The following RB1 variants were observed in gnomAD, a reference collection of about 807,000 sequenced individuals.
RB1 encodes RB transcriptional corepressor 1.
Under a neutral mutation model 135.4 loss-of-function variants are expected in RB1, and 18 were observed. That is an observed-to-expected ratio of 0.13 (90% CI 0.09 to 0.20). The LOEUF is 0.20. Among genes scored for constraint, RB1 ranks in the 10% least tolerant of loss-of-function variants. RB1 has a pLI of 1.00. For synonymous variants in RB1, 365 were observed against 373.2 expected, an observed-to-expected ratio of 0.98 and a Z score of 0.25; for missense variants, 868 against 1,110.0, an observed-to-expected ratio of 0.78 and a Z score of 3.10.
chr13:48,413,549 G>A (rs1422257444), intron 17 of RB1, among the ~76,000 whole-genome samples: 1 of 152,026 alleles, frequency 6.6e-6, no homozygotes, highest in African/African-American at 2.4e-5. Context: ...ATGAAACAGG[G>A]GCCTTTAACC....
At chr13:48,463,638 CTTTTT>C in intron 20 of RB1, 88 bp from the exon 21 acceptor site, 1 of 852,182 alleles carries the variant, frequency 1.2e-6, no homozygotes, top group South Asian at 1.4e-5. Context: ...TTAAACCTTT[CTTTTT>C]TGAGGCTAAA....
intron 12 of RB1, among the ~76,000 whole-genome samples, chr13:48,375,278 G>C (rs1222126027): frequency 6.6e-6 from 1 of 152,094 alleles, no homozygotes; most frequent in African/African-American, 2.4e-5. Context: ...ATATGTCAAA[G>C]TGAACATGTC....
At chr13:48,412,995 A>G (rs1948843888) in intron 17 of RB1, 1 of 168,834 alleles carries the variant, frequency 5.9e-6, no homozygotes, top group East Asian at 1.9e-4. Context: ...TGGATCCCAG[A>G]TTGTGGGTAA....
chr13:48,381,266 T>A lies in RB1; in HGVS notation c.1518T>A (p.Leu506=), dbSNP rs1234661987. ...ATYSRSTSQN[L]DSGTDLSFPW... ...TTTTAGGAAGTACATCTCAGAATCTTGATTCTGGAACAGATTTGTCTTTCC... is the reference window on the plus strand; with the variant it reads ...TTTTAGGAAGTACATCTCAGAATCTAGATTCTGGAACAGATTTGTCTTTCC... The change falls in exon 17 of 27, where the codon CTT becomes CTA. Residue 506 remains leucine (L), a synonymous_variant. Coordinates refer to ENST00000267163, the MANE Select transcript of RB1 (RefSeq NM_000321.3). 2 of 1,610,594 alleles carry A rather than the reference T, an allele frequency of 1.2e-6. No individual in the cohort carries two copies. The highest frequency in any genetic ancestry group is 1.7e-6 in the Non-Finnish European group (2 of 1,178,688).
chr13:48,367,538 T>C lies in RB1; in HGVS notation c.984T>C (p.Asn328=). Residue 328 remains asparagine (N), a synonymous_variant, in exon 10 of 27, where the codon AAT becomes AAC. Transcript: ENST00000267163. ...SKRYEEIYLK[N]KDLDARLFLD... ...GATACGAAGAAATTTATCTTAAAAATAAAGATCTAGATGCAAGATTATTTT... is the reference window on the plus strand; with the variant it reads ...GATACGAAGAAATTTATCTTAAAAACAAAGATCTAGATGCAAGATTATTTT... 1 of 1,604,870 alleles carries C rather than the reference T, an allele frequency of 6.2e-7. No homozygotes were observed. The highest frequency in any genetic ancestry group is 1.1e-5 in the South Asian group (1 of 90,922).
At chr13:48,348,312 T>C (rs1290116464) in intron 5 of RB1, among the ~76,000 whole-genome samples, 1 of 151,938 alleles carries the variant, frequency 6.6e-6, no homozygotes, top group Non-Finnish European at 1.5e-5. Flanking sequence ...AGTTTTTTCT[T>C]GGAAACAGAA....
chr13:48,414,175 C>A (rs1394078460), intron 17 of RB1, among the ~76,000 whole-genome samples: 2 of 151,900 alleles, frequency 1.3e-5, no homozygotes, highest in Admixed American at 1.3e-4. Flanking sequence ...TGGCGAAACC[C>A]CATCTCTACC....
intron 7 of RB1, chr13:48,360,362 G>A: frequency 1.3e-6 from 1 of 787,422 alleles, no homozygotes; most frequent in Non-Finnish European, 1.8e-6. Context: ...AGGTTTGGGA[G>A]ACAAGAAAGT....
intron 2 of RB1, chr13:48,317,144 C>T: frequency 1.2e-6 from 1 of 867,984 alleles, no homozygotes; most frequent in Non-Finnish European, 1.6e-6. Context: ...CGGCCTGGGC[C>T]TCCCTGAAGG....
chr13:48,319,057 C>A lies in RB1; in HGVS notation c.264+11651C>A. ...CTTCCGCGCGCGTCAGTTCAGCGGA[C>A]GTGTCTGCCTGGCACGAGGACCGTT... On this transcript the variant is annotated intron_variant, in intron 2 of 26. Coordinates refer to ENST00000267163, the MANE Select transcript of RB1 (RefSeq NM_000321.3). This position sits in a 1 kb window ranked among gnomAD's most constrained non-coding sequence, Gnocchi z 5.0. 1.6e-6 allele frequency: 1 copy of A among 625,412 alleles called. No individual in the cohort carries two copies. The highest frequency in any genetic ancestry group is 3.0e-6 in the Non-Finnish European group (1 of 336,862). The allele number at this position is 625,412 out of a possible 1,614,324, so 38.7% of individuals were successfully genotyped here.
intron 17 of RB1, among the ~76,000 whole-genome samples, chr13:48,441,454 A>G (rs1295374063): frequency 6.6e-6 from 1 of 152,174 alleles, no homozygotes; most frequent in African/African-American, 2.4e-5. Flanking sequence ...AACAAAAATC[A>G]CTTGGTAGGA....
At chr13:48,380,992 G>T (rs1266940153) in intron 16 of RB1, among the ~76,000 whole-genome samples, 1 of 152,120 alleles carries the variant, frequency 6.6e-6, no homozygotes, top group Non-Finnish European at 1.5e-5. Context: ...CCTGATATAA[G>T]TTTAGGGTAT....
rs571117565 is a variant in RB1 at position 48,377,135 on chromosome 13, G to C, written c.1332+101G>C. ...ATACTCTAACAGTATTTGTCTAGTA[G>C]TATAAAATACTGTCAGATACTATAT... is the stretch of plus-strand genomic sequence containing the variant. On this transcript the variant is annotated intron_variant, in intron 13 of 26. Coordinates refer to ENST00000267163, the MANE Select transcript of RB1 (RefSeq NM_000321.3). 22 of 1,243,822 alleles carry C rather than the reference G, an allele frequency of 1.8e-5. No homozygotes were observed. The African/African-American group carries it at 2.2e-4, about 13-fold the overall frequency. The allele number at this position is 1,243,822 out of a possible 1,614,324, so 77.0% of individuals were successfully genotyped here.
intron 17 of RB1, among the ~76,000 whole-genome samples, chr13:48,434,438 G>A (rs773936583): frequency 3.3e-5 from 5 of 151,914 alleles, no homozygotes; most frequent in Non-Finnish European, 7.4e-5. Context: ...TTTTCTTCAG[G>A]TGCTTTTATC....
chr13:48,375,494 A>T (rs1952811645), intron 12 of RB1, among the ~76,000 whole-genome samples: 3 of 150,632 alleles, frequency 2.0e-5, no homozygotes, highest in Admixed American at 6.6e-5. Context: ...TTTTTTAGGA[A>T]TATAGAATTG....
intron 2 of RB1, among the ~76,000 whole-genome samples, chr13:48,324,639 C>G (rs1952269365): frequency 6.6e-6 from 1 of 152,102 alleles, no homozygotes; most frequent in Admixed American, 6.5e-5. Context: ...AATTCCATGT[C>G]TTGGCTGTTG....
At position 48,403,347 on chromosome 13, in the gene RB1, GAC is replaced by G. The variant is rs1948710496; in HGVS notation, c.1695+21908_1695+21909del. Among the ~76,000 whole-genome samples, 5 of 152,092 alleles carry G rather than the reference GAC, an allele frequency of 3.3e-5. No homozygotes were observed. In the South Asian group the frequency reaches 1.0e-3, roughly 32 times the overall value. ...CAAACCCTACAGAAGTGACAAAAAA[GAC>G]ACATATCACAGGGGAGTGAAACCCA... On this transcript the variant is annotated intron_variant, in intron 17 of 26. Transcript: ENST00000267163.
At chr13:48,366,117 A>C (rs544157579) in intron 9 of RB1, among the ~76,000 whole-genome samples, 1 of 152,188 alleles carries the variant, frequency 6.6e-6, no homozygotes. Flanking sequence ...GGGCAGAACA[A>C]TTAAAATATG....
chr13:48,362,859 C>G lies in RB1; in HGVS notation c.763C>G (p.Arg255Gly), dbSNP rs587778842. The G allele has an allele frequency of 6.2e-7, 1 of 1,613,592 alleles. No individual in the cohort carries two copies. The highest frequency in any genetic ancestry group is 8.5e-7 in the Non-Finnish European group (1 of 1,179,862). ...TAATGGTTCACCTCGAACACCCAGG[C>G]GAGGTCAGAACAGGAGTGCACGGAT... The part of the protein sequence containing the change: ...PINGSPRTPR[R>G]GQNRSARIAK... The change falls in exon 8 of 27, where the codon CGA becomes GGA. Residue 255 changes from arginine (R) to glycine (G), a missense_variant. Physicochemically the swap from Arg to Gly is moderately radical, Grantham distance 125 (BLOSUM62 -2). Transcript: ENST00000267163.
Sources: gnomAD v4.1 joint callset for allele counts (sites outside exome capture counted in the v4.1 genomes callset) on GRCh38, gnomAD v4.1.1 for gene constraint, Gnocchi (gnomAD v3.1) non-coding constraint, MANE v1.5 for transcripts, NCBI Gene and HGNC (gene_info 2026-07-23, HGNC 2026-07-21) for gene names.